TSNARE1: variants seen among roughly 807,000 people sequenced by gnomAD.
TSNARE1 encodes t-SNARE domain containing 1.
Under a neutral mutation model 62.0 loss-of-function variants are expected in TSNARE1, and 49 were observed. That is an observed-to-expected ratio of 0.79 (90% CI 0.63 to 1.00). The LOEUF (loss-of-function observed/expected upper bound fraction) is 1.00. Among genes scored for constraint, TSNARE1 ranks in the 50% least tolerant of loss-of-function variants. TSNARE1 has a pLI of 0.00. For missense variants in TSNARE1, 755 were observed against 700.1 expected, an observed-to-expected ratio of 1.08 and a Z score of -0.88; for synonymous variants, 328 against 294.4, an observed-to-expected ratio of 1.11 and a Z score of -1.17.
rs776859414 is a variant in TSNARE1, at chr8:142,330,915, C to T, written c.879G>A (p.Glu293=). The change falls in exon 6 of 14, where the codon GAG becomes GAA. Residue 293 remains glutamate (E), a synonymous_variant. Transcript: ENST00000524325. ...QSLGTPSDTQ[E]LRDSLHTAQQ... ...CACACACTCACAGGCTGTCCCGAAG[C>T]TCCTGCGTGTCACTCGGTGTCCCTA... is the stretch of plus-strand genomic sequence containing the variant. 8 of 1,614,128 alleles carry T rather than the reference C, an allele frequency of 5.0e-6. No homozygotes were observed. Among genetic ancestry groups the T allele is most frequent in the Admixed American group, 1.7e-5 (1 of 60,024 alleles).
chr8:142,369,833 C>T lies in TSNARE1; in HGVS notation c.-39-15070G>A, dbSNP rs144311065. Among the ~76,000 whole-genome samples the T allele has an allele frequency of 1.1e-4, 17 of 152,290 alleles. No individual in the cohort carries two copies. In the East Asian group the frequency reaches 2.7e-3, roughly 24 times the overall value. ...CAAGCACCTACCAGACGTTATCAAA[C>T]GTCCCAGCAAATGTTTAACTGGAAT... On this transcript the variant is annotated intron_variant, in intron 1 of 13. Coordinates refer to ENST00000524325, the MANE Select transcript of TSNARE1 (RefSeq NM_145003.5).
At chr8:142,372,592 C>T (rs1349135969) in intron 1 of TSNARE1, among the ~76,000 whole-genome samples, 1 of 152,166 alleles carries the variant, frequency 6.6e-6, no homozygotes, top group African/African-American at 2.4e-5. Flanking sequence ...CAAAGGGGCT[C>T]CTGCCTGGGG....
At chr8:142,376,085 A>C (rs1055528811) in intron 1 of TSNARE1, among the ~76,000 whole-genome samples, 1 of 152,240 alleles carries the variant, frequency 6.6e-6, no homozygotes, top group Admixed American at 6.5e-5. Flanking sequence ...CAGACTGCAG[A>C]GTCCGCGCCT....
At chr8:142,401,223 A>T (rs994377033) in intron 1 of TSNARE1, among the ~76,000 whole-genome samples, 1 of 151,608 alleles carries the variant, frequency 6.6e-6, no homozygotes, top group Non-Finnish European at 1.5e-5. Flanking sequence ...TATTCATCAA[A>T]ACCTGCTAGG....
chr8:142,321,105 C>G (rs1473462384), intron 6 of TSNARE1, among the ~76,000 whole-genome samples: 3 of 152,104 alleles, frequency 2.0e-5, no homozygotes, highest in Non-Finnish European at 2.9e-5. Flanking sequence ...CAGGAGGTTG[C>G]CAACCAGAAA....
intron 1 of TSNARE1, among the ~76,000 whole-genome samples, chr8:142,395,879 G>A (rs1451274014): frequency 6.6e-6 from 1 of 152,194 alleles, no homozygotes; most frequent in African/African-American, 2.4e-5. Context: ...TGTTGGGAGA[G>A]ACTGATTCTG....
intron 13 of TSNARE1, among the ~76,000 whole-genome samples, chr8:142,213,639 G>T (rs1434063821): frequency 6.6e-6 from 1 of 152,312 alleles, no homozygotes; most frequent in South Asian, 2.1e-4. Context: ...GCAGAGGAAG[G>T]AGGCAGCTGG....
chr8:142,273,982 T>TCTTGAGG, intron 12 of TSNARE1: 1 of 985,120 alleles, frequency 1.0e-6, no homozygotes, highest in Non-Finnish European at 1.2e-6. Flanking sequence ...CTGCCAATAC[T>TCTTGAGG]GCCCCTGCTC....
chr8:142,390,417 G>A (rs1237383703), intron 1 of TSNARE1, among the ~76,000 whole-genome samples: 1 of 79,266 alleles, frequency 1.3e-5, no homozygotes, highest in South Asian at 6.6e-4. Flanking sequence ...TGTACACTGC[G>A]GGGGACTCCG....
At chr8:142,275,644 C>T (rs549645842) in intron 11 of TSNARE1, 2 of 985,438 alleles carry the variant, frequency 2.0e-6, no homozygotes, top group African/African-American at 1.7e-5. Flanking sequence ...CGAGCACGGG[C>T]AAGCCTTCTT....
At chr8:142,317,103 C>T (rs1001447449) in intron 7 of TSNARE1, among the ~76,000 whole-genome samples, 49 of 133,028 alleles carry the variant, frequency 3.7e-4, no homozygotes, top group Admixed American at 6.1e-4. Context: ...GCTCACACTG[C>T]ACGCGTGAAG....
At chr8:142,346,135 G>A (rs771706252) in intron 2 of TSNARE1, among the ~76,000 whole-genome samples, 1 of 152,204 alleles carries the variant, frequency 6.6e-6, no homozygotes, top group African/African-American at 2.4e-5. Flanking sequence ...AAATGTGACT[G>A]CAAACTAGCA....
intron 1 of TSNARE1, among the ~76,000 whole-genome samples, chr8:142,400,745 C>G (rs1587172632): frequency 6.6e-6 from 1 of 152,368 alleles, no homozygotes; most frequent in Non-Finnish European, 1.5e-5. Flanking sequence ...AAACGCCCAA[C>G]AACCTCGGAA....
At chr8:142,304,349 G>A (rs139445035) in intron 9 of TSNARE1, among the ~76,000 whole-genome samples, 7 of 152,188 alleles carry the variant, frequency 4.6e-5, no homozygotes, top group Admixed American at 1.3e-4. Flanking sequence ...CTCAGGTTCC[G>A]GCCCAGCAGT....
chr8:142,389,652 C>A (rs939755948), intron 1 of TSNARE1, among the ~76,000 whole-genome samples: 1 of 152,012 alleles, frequency 6.6e-6, no homozygotes, highest in Non-Finnish European at 1.5e-5. Context: ...AAGAAAGGAA[C>A]CCTGGACTGA....
chr8:142,300,133 T>G (rs1563860127), intron 10 of TSNARE1: 1 of 192,538 alleles, frequency 5.2e-6, no homozygotes, highest in African/African-American at 2.3e-5. Flanking sequence ...CCAAATCATC[T>G]TCATTAGAGC....
intron 12 of TSNARE1, among the ~76,000 whole-genome samples, chr8:142,234,319 G>A (rs1817285525): frequency 6.6e-6 from 1 of 150,498 alleles, no homozygotes; most frequent in African/African-American, 2.5e-5. Flanking sequence ...AAAGCTCCAA[G>A]ATGGCGCCAT....
At chr8:142,222,138 T>C in intron 13 of TSNARE1, among the ~76,000 whole-genome samples, 1 of 148,146 alleles carries the variant, frequency 6.8e-6, no homozygotes, top group African/African-American at 2.5e-5. Flanking sequence ...ACTCATCCAC[T>C]CATTCACTCA....
At chr8:142,217,872 G>GA in intron 13 of TSNARE1, among the ~76,000 whole-genome samples, 5 of 146,956 alleles carry the variant, frequency 3.4e-5, no homozygotes, top group Admixed American at 6.8e-5. Flanking sequence ...CTCAGTGTGT[G>GA]GCCAGGATCA....
Sources: gnomAD v4.1 joint callset for allele counts (sites outside exome capture counted in the v4.1 genomes callset) on GRCh38, gnomAD v4.1.1 for gene constraint, MANE v1.5 for transcripts, NCBI Gene and HGNC (gene_info 2026-07-23, HGNC 2026-07-21) for gene names.